Variants in TBK1 observed in about 807,000 individuals in gnomAD.
TBK1 encodes the protein TANK binding kinase 1.
In TBK1, 37 loss-of-function variants were observed where a neutral mutation model predicts 99.9. That is an observed-to-expected ratio of 0.37 (90% CI 0.28 to 0.49). The LOEUF is 0.49. Among genes scored for constraint, TBK1 ranks in the 20% least tolerant of loss-of-function variants. TBK1 has a pLI of 0.98. For synonymous variants in TBK1, 258 were observed against 279.8 expected (o/e 0.92, Z 0.78); for missense variants, 644 against 872.5 (o/e 0.74, Z 3.30).
intron 5 of TBK1, among the ~76,000 whole-genome samples, chr12:64,471,360 T>A (rs185372526): frequency 1.3e-5 from 2 of 151,482 alleles, no homozygotes; most frequent in South Asian, 4.2e-4. Flanking sequence ...TATATATATA[T>A]GTATACTTTT....
intron 1 of TBK1, among the ~76,000 whole-genome samples, chr12:64,454,081 T>G (rs2040458405): frequency 6.6e-6 from 1 of 152,244 alleles, no homozygotes; most frequent in Non-Finnish European, 1.5e-5. Context: ...GGAAACAAAG[T>G]AATTTTTCCT....
At position 64,488,494 on chromosome 12, in the gene TBK1, A is replaced by G. The variant is rs1466364667; in HGVS notation, c.1348A>G (p.Ile450Val). 5.7e-6 allele frequency: 9 copies of G among 1,571,438 alleles called. No homozygotes were observed. The highest frequency in any genetic ancestry group is 6.9e-6 in the Non-Finnish European group (8 of 1,162,100). The change falls in exon 12 of 21, where the codon ATT becomes GTT. Residue 450 changes from isoleucine to valine, a missense_variant. Transcript: ENST00000331710. ...RKGIRWLIEL[I>V]KDDYNETVHK... is the part of the protein sequence containing the mutation. ...ATAATTTTCTTTTTTTAGTGAATTA[A>G]TTAAAGATGATTACAATGAAACTGT...
chr12:64,491,585 T>C (rs907941398), intron 13 of TBK1, among the ~76,000 whole-genome samples: 9 of 152,152 alleles, frequency 5.9e-5, no homozygotes, highest in Non-Finnish European at 1.3e-4. Context: ...ATCGTGCCAC[T>C]TGCACTCCAG....
intron 2 of TBK1, among the ~76,000 whole-genome samples, chr12:64,458,205 A>G (rs1387894316): frequency 6.6e-6 from 1 of 152,024 alleles, no homozygotes; most frequent in African/African-American, 2.4e-5. Flanking sequence ...GAGAAACCAT[A>G]TTTGTTCTTA....
intron 6 of TBK1, among the ~76,000 whole-genome samples, chr12:64,478,514 A>G (rs935400480): frequency 4.6e-5 from 7 of 152,226 alleles, no homozygotes; most frequent in African/African-American, 1.7e-4. Flanking sequence ...TAAAAAGACA[A>G]TTATCTAATC....
intron 15 of TBK1, 172 bp downstream of exon 15, chr12:64,495,947 T>C: frequency 1.8e-6 from 1 of 549,160 alleles, no homozygotes; most frequent in Non-Finnish European, 3.1e-6. Context: ...AAAAAAACTA[T>C]CCTTAAAATC....
chr12:64,475,586 C>T (rs574826920), intron 6 of TBK1, among the ~76,000 whole-genome samples: 1 of 152,200 alleles, frequency 6.6e-6, no homozygotes, highest in Non-Finnish European at 1.5e-5. Flanking sequence ...CAAGATTTAG[C>T]TCTCATTTAT....
intron 5 of TBK1, among the ~76,000 whole-genome samples, chr12:64,467,651 A>C (rs1565814782): frequency 6.6e-6 from 1 of 152,170 alleles, no homozygotes; most frequent in Non-Finnish European, 1.5e-5. Flanking sequence ...GTAATCAGGA[A>C]GTTTAATATA....
In TBK1 at chr12:64,467,089, CAT is replaced by C. The variant is rs761043079; in HGVS notation, c.540+8_540+9del. The C allele has an allele frequency of 1.3e-6, 2 of 1,546,194 alleles. No homozygotes were observed. Among genetic ancestry groups the C allele is most frequent in the African/African-American group, 2.8e-5 (2 of 72,414 alleles). On this transcript the variant is annotated splice_region_variant and intron_variant, in intron 5 of 20. Transcript: ENST00000331710. The stretch of plus-strand genomic sequence containing the variant: ...TGGCACAGAAGAATATTTGGTAAGT[CAT>C]GTATCACTAATATTTTCATTTAAAG...
At chr12:64,487,208 T>G (rs1314721606) in intron 11 of TBK1, among the ~76,000 whole-genome samples, 2 of 152,244 alleles carry the variant, frequency 1.3e-5, no homozygotes, top group East Asian at 1.9e-4. Flanking sequence ...AAATTATGCT[T>G]GTTTCTACAC....
chr12:64,474,653 C>G (rs1413504280), intron 6 of TBK1, among the ~76,000 whole-genome samples: 1 of 152,060 alleles, frequency 6.6e-6, no homozygotes, highest in African/African-American at 2.4e-5. Flanking sequence ...GTACTGCTTT[C>G]TAGACTTTAT....
chr12:64,497,172 T>C lies in TBK1; in HGVS notation c.1872T>C (p.Leu624=). The change falls in exon 18 of 21, where the codon CTT becomes CTC. Residue 624 remains leucine (L), a synonymous_variant. Coordinates refer to ENST00000331710, the MANE Select transcript of TBK1 (RefSeq NM_013254.4). The part of the protein sequence containing the change: ...NKSEEWIRKM[L]HLRKQLLSLT... ...TCTTTTTGGTTTTCAGAAAGATGCTTCATCTTAGGAAACAGTTATTATCGC... is the reference window on the plus strand; with the variant it reads ...TCTTTTTGGTTTTCAGAAAGATGCTCCATCTTAGGAAACAGTTATTATCGC... 1 of 1,596,446 alleles carries C rather than the reference T, an allele frequency of 6.3e-7. No homozygotes were observed. Among genetic ancestry groups the C allele is most frequent in the Middle Eastern group, 1.7e-4 (1 of 5,968 alleles).
At chr12:64,475,446 GTGTC>G (rs749932955) in intron 6 of TBK1, among the ~76,000 whole-genome samples, 12 of 152,106 alleles carry the variant, frequency 7.9e-5, no homozygotes, top group Non-Finnish European at 1.8e-4. Flanking sequence ...GGAGTCCTCA[GTGTC>G]TGTTGTTTCC....
chr12:64,455,657 T>C (rs1020966953), intron 1 of TBK1, among the ~76,000 whole-genome samples, 183 bp from the exon 2 acceptor site: 1 of 152,236 alleles, frequency 6.6e-6, no homozygotes, highest in African/African-American at 2.4e-5. Flanking sequence ...TCATACCATA[T>C]CAGTTAGCAA....
intron 11 of TBK1, among the ~76,000 whole-genome samples, chr12:64,487,136 T>C (rs960463458): frequency 2.6e-5 from 4 of 152,256 alleles, no homozygotes; most frequent in African/African-American, 9.6e-5. Flanking sequence ...TTTTTTACTT[T>C]AATGATTTAT....
intron 20 of TBK1, among the ~76,000 whole-genome samples, chr12:64,500,085 C>T (rs551908930): frequency 5.9e-5 from 9 of 152,280 alleles, no homozygotes; most frequent in African/African-American, 2.2e-4. Context: ...AAGTCAGTTC[C>T]TCCTGTGTTT....
Position 64,455,718 on chromosome 12 carries a change from T to C in TBK1, c.-31-122T>C, listed in dbSNP as rs999159930. 119 of 610,508 alleles carry C rather than the reference T, an allele frequency of 1.9e-4. 1 individual carries two copies. Among genetic ancestry groups the C allele is most frequent in the Admixed American group, 4.1e-4 (13 of 31,930 alleles). The allele number at this position is 610,508 out of a possible 1,614,324, so 37.8% of individuals were successfully genotyped here. On this transcript the variant is annotated intron_variant, in intron 1 of 20. Transcript: ENST00000331710. ...CTTAAGATATTTATATTGAACTGTTTATACACTTCATGTCAGTAACAGATA... is the reference window on the plus strand; with the variant it reads ...CTTAAGATATTTATATTGAACTGTTCATACACTTCATGTCAGTAACAGATA...
At chr12:64,471,797 C>A (rs916143423) in intron 5 of TBK1, among the ~76,000 whole-genome samples, 1 of 152,178 alleles carries the variant, frequency 6.6e-6, no homozygotes, top group Admixed American at 6.5e-5. Context: ...AGGACAGAGC[C>A]AGTGGGCACA....
chr12:64,471,017 T>A (rs61933199), intron 5 of TBK1, among the ~76,000 whole-genome samples: 14,672 of 152,242 alleles, frequency 0.096, 850 homozygotes, highest in Middle Eastern at 0.21. Context: ...ATGAGATAAA[T>A]AATAGTCTAA....
Sources: gnomAD v4.1 joint callset for allele counts (sites outside exome capture counted in the v4.1 genomes callset) on GRCh38, gnomAD v4.1.1 for gene constraint, MANE v1.5 for transcripts, NCBI Gene and HGNC (gene_info 2026-07-23, HGNC 2026-07-21) for gene names.